The following KDM2A variants were observed in gnomAD, a reference collection of about 807,000 sequenced individuals.
KDM2A encodes lysine demethylase 2A, also known as lysine-specific demethylase 2A.
Under a neutral mutation model 137.3 loss-of-function variants are expected in KDM2A, and 3 were observed. The ratio of observed to expected loss-of-function variants is 0.02; its 90% CI spans 0.01 to 0.06. KDM2A has a LOEUF of 0.06. Among genes scored for constraint, KDM2A ranks in the 10% least tolerant of loss-of-function variants. The pLI is 1.00. For synonymous variants in KDM2A, 512 were observed against 541.5 expected (o/e 0.95, Z 0.76); for missense variants, 738 against 1,510.6 (o/e 0.49, Z 8.48).
At chr11:67,150,195 T>C (rs944383677) in intron 2 of KDM2A, among the ~76,000 whole-genome samples, 5 of 152,170 alleles carry the variant, frequency 3.3e-5, no homozygotes, top group African/African-American at 1.2e-4. Context: ...CCCGGAAATA[T>C]GCATTTGTTT....
At chr11:67,171,071 G>A (rs1856871787) in intron 2 of KDM2A, among the ~76,000 whole-genome samples, 1 of 152,168 alleles carries the variant, frequency 6.6e-6, no homozygotes, top group Non-Finnish European at 1.5e-5. Context: ...CATAGTGCTT[G>A]TTACAGTACC....
At chr11:67,183,509 G>A (rs1024131330) in intron 5 of KDM2A, among the ~76,000 whole-genome samples, 2 of 152,166 alleles carry the variant, frequency 1.3e-5, no homozygotes, top group African/African-American at 2.4e-5. Context: ...ATAATTGCAC[G>A]GGCAGAATCT....
intron 5 of KDM2A, among the ~76,000 whole-genome samples, chr11:67,202,993 C>A (rs368749649): frequency 1.4e-5 from 2 of 145,582 alleles, no homozygotes; most frequent in Non-Finnish European, 3.0e-5. Flanking sequence ...AGACCCTGTC[C>A]GTCCGCCGCC....
Position 67,255,736 on chromosome 11 carries a change from G to A in KDM2A, c.*681G>A, listed in dbSNP as rs1433920596. ...CGACTTACTTGCTAGTCTCTATGAG[G>A]TCCTTATTGCACTTATTGGGGTTGA... On this transcript the variant is annotated 3_prime_UTR_variant, in exon 21 of 21. Coordinates refer to ENST00000529006, the MANE Select transcript of KDM2A (RefSeq NM_012308.3). 3 of 375,028 alleles carry A rather than the reference G, an allele frequency of 8.0e-6. No homozygotes were observed. Among genetic ancestry groups the A allele is most frequent in the African/African-American group, 6.3e-5 (3 of 47,522 alleles). 23.2% of individuals were successfully genotyped at this position (375,028 alleles called of 1,614,324 possible). A position where few individuals can be genotyped will look rare whatever the true frequency, so the allele number is the denominator to read the frequency against.
chr11:67,145,719 A>C (rs556736747), intron 2 of KDM2A, among the ~76,000 whole-genome samples: 2 of 152,172 alleles, frequency 1.3e-5, no homozygotes, highest in South Asian at 4.1e-4. Context: ...CTTGAAAATG[A>C]TACCATACTC....
intron 5 of KDM2A, among the ~76,000 whole-genome samples, chr11:67,198,685 G>A (rs1203774139): frequency 6.6e-6 from 1 of 150,816 alleles, no homozygotes; most frequent in African/African-American, 2.4e-5. Context: ...ACTCCAGCCT[G>A]GGTGACAGAG....
intron 2 of KDM2A, among the ~76,000 whole-genome samples, chr11:67,124,028 G>C (rs1855659199): frequency 6.6e-6 from 1 of 151,858 alleles, no homozygotes. Flanking sequence ...TTTTGAGACT[G>C]AGTCTCGCTC....
rs1387328002 is a variant in KDM2A, at chr11:67,254,444, C to T, written c.3307+26C>T. 4.4e-6 allele frequency: 7 copies of T among 1,596,224 alleles called. No individual in the cohort carries two copies. The highest frequency in any genetic ancestry group is 6.0e-6 in the Non-Finnish European group (7 of 1,164,830). ...GTATGCCGCTACAGTTGTTCATAAT[C>T]AGCGGTGCCCCCTGCCTCCAGCCCT... On this transcript the variant is annotated intron_variant, in intron 20 of 20. Coordinates refer to ENST00000529006, the MANE Select transcript of KDM2A (RefSeq NM_012308.3). The surrounding 1 kb of genome is among the most constrained non-coding windows in gnomAD (Gnocchi z 4.7).
intron 10 of KDM2A, 50 bp from the exon 11 acceptor site, chr11:67,227,987 C>A: frequency 6.4e-7 from 1 of 1,564,824 alleles, no homozygotes; most frequent in Non-Finnish European, 8.8e-7. Context: ...ATTTGTTGTA[C>A]TCTCTTTCCT....
intron 11 of KDM2A, among the ~76,000 whole-genome samples, chr11:67,231,161 C>G (rs953353536): frequency 6.6e-6 from 1 of 152,004 alleles, no homozygotes; most frequent in African/African-American, 2.4e-5. Flanking sequence ...CTATGTTGCC[C>G]AGGCTAAAAC....
In KDM2A at chr11:67,232,004, G is replaced by T. The variant is rs201286401; in HGVS notation, c.1479+44G>T. Reference sequence around the variant, plus strand: ...ACATGACAGCTACTGATCCAGCTATGGCAGTCAGCTTCCAGATTCAGAGGG... The same window carrying T: ...ACATGACAGCTACTGATCCAGCTATTGCAGTCAGCTTCCAGATTCAGAGGG... On this transcript the variant is annotated intron_variant, in intron 12 of 20. Transcript: ENST00000529006. 2.0e-6 allele frequency: 3 copies of T among 1,534,332 alleles called. No homozygotes were observed. The Admixed American group carries it at 6.1e-5, about 31-fold the overall frequency.
chr11:67,242,343 T>C (rs1385096599), intron 12 of KDM2A, among the ~76,000 whole-genome samples: 2 of 152,046 alleles, frequency 1.3e-5, no homozygotes, highest in African/African-American at 4.8e-5. Flanking sequence ...GATTGAGATT[T>C]CTGTAATCAG....
rs1391824908 is a variant in KDM2A at position 67,255,447 on chromosome 11, C to G, written c.*392C>G. The G allele has an allele frequency of 2.2e-6, 1 of 462,706 alleles. No homozygotes were observed. Among genetic ancestry groups the G allele is most frequent in the Non-Finnish European group, 4.3e-6 (1 of 231,254 alleles). The allele number at this position is 462,706 out of a possible 1,614,324, so 28.7% of individuals were successfully genotyped here. A position where few individuals can be genotyped will look rare whatever the true frequency, so the allele number is the denominator to read the frequency against. ...GCAGTGCCTGGTTCTGAGCAAACTCCCAGGGAAGAAAACGGCCCTGTCTCC... is the reference window on the plus strand; with the variant it reads ...GCAGTGCCTGGTTCTGAGCAAACTCGCAGGGAAGAAAACGGCCCTGTCTCC... On this transcript the variant is annotated 3_prime_UTR_variant, in exon 21 of 21. Coordinates refer to ENST00000529006, the MANE Select transcript of KDM2A (RefSeq NM_012308.3).
chr11:67,185,639 A>C (rs78406849), intron 5 of KDM2A, among the ~76,000 whole-genome samples: 1 of 139,828 alleles, frequency 7.2e-6, no homozygotes, highest in African/African-American at 2.8e-5. Context: ...CTCTGTCGCA[A>C]AAAAAAAAAA....
Position 67,253,470 on chromosome 11 carries a change from C to G in KDM2A, c.2950C>G (p.Leu984Val), listed in dbSNP as rs966895718. 14 of 1,613,746 alleles carry G rather than the reference C, an allele frequency of 8.7e-6. No individual in the cohort carries two copies. Among genetic ancestry groups the G allele is most frequent in the Non-Finnish European group, 1.1e-5 (13 of 1,179,714 alleles). Reference sequence around the variant, plus strand: ...CATTGCAGGACTGAAAGACCTCCTCCTAGCAGGCTGCTCCTGGTCTGCAGT... The same window carrying G: ...CATTGCAGGACTGAAAGACCTCCTCGTAGCAGGCTGCTCCTGGTCTGCAGT... The part of the protein sequence containing the change: ...NRLPGLKDLL[L>V]AGCSWSAVSA... Residue 984 changes from leucine (L) to valine (V), a missense_variant, in exon 19 of 21, where the codon CTA becomes GTA. Physicochemically the swap from Leu to Val is conservative, Grantham distance 32. This residue lies in a region of KDM2A where 166 missense variants were observed against 324.0 expected (regional missense o/e 0.51). Coordinates refer to ENST00000529006, the MANE Select transcript of KDM2A (RefSeq NM_012308.3).
intron 5 of KDM2A, among the ~76,000 whole-genome samples, chr11:67,192,062 C>G (rs1377594390): frequency 6.6e-6 from 1 of 152,088 alleles, no homozygotes; most frequent in African/African-American, 2.4e-5. Flanking sequence ...TCTATAAACC[C>G]AAAATGAAGA....
chr11:67,251,318 C>G (rs1027394022), intron 17 of KDM2A, among the ~76,000 whole-genome samples: 1 of 152,158 alleles, frequency 6.6e-6, no homozygotes, highest in Non-Finnish European at 1.5e-5. Flanking sequence ...GCTCATCCCC[C>G]CAAACCTGGA....
At chr11:67,199,332 A>G (rs771304801) in intron 5 of KDM2A, among the ~76,000 whole-genome samples, 1 of 152,092 alleles carries the variant, frequency 6.6e-6, no homozygotes, top group Non-Finnish European at 1.5e-5. Context: ...ACTTTAAATC[A>G]AAAGTTAGAA....
At chr11:67,172,522 T>A (rs1383054650) in intron 2 of KDM2A, among the ~76,000 whole-genome samples, 1 of 152,164 alleles carries the variant, frequency 6.6e-6, no homozygotes, top group Non-Finnish European at 1.5e-5. Context: ...TTAGTTTTTT[T>A]TATGCTATTA....
Sources: allele counts gnomAD v4.1 joint callset (sites outside exome capture counted in the v4.1 genomes callset), GRCh38; gene constraint gnomAD v4.1.1; regional missense constraint gnomAD v4.1.1; non-coding constraint Gnocchi (gnomAD v3.1); transcripts MANE v1.5; gene names NCBI Gene and HGNC (gene_info 2026-07-23, HGNC 2026-07-21).